NLRC5: variants seen among roughly 807,000 people sequenced by gnomAD.
NLRC5 encodes NLR family CARD domain containing 5.
In NLRC5, 114 loss-of-function variants were observed where a neutral mutation model predicts 206.9. The observed-to-expected ratio is 0.55, with a 90% CI of 0.47 to 0.64. The LOEUF is 0.64. Among genes scored for constraint, NLRC5 ranks in the 30% least tolerant of loss-of-function variants. NLRC5 has a pLI of 0.00. For synonymous variants in NLRC5, 952 were observed against 962.8 expected (o/e 0.99, Z 0.21); for missense variants, 2,008 against 2,305.5 (o/e 0.87, Z 2.64).
chr16:57,036,257 C>A, intron 14 of NLRC5, 74 bp downstream of exon 14: 1 of 1,373,496 alleles, frequency 7.3e-7, no homozygotes, highest in Non-Finnish European at 1.0e-6. Context: ...TGTTCGTAAT[C>A]AGCAGTAAGG....
At chr16:57,011,453 G>C (rs1487000796) in intron 1 of NLRC5, among the ~76,000 whole-genome samples, 4 of 151,996 alleles carry the variant, frequency 2.6e-5, no homozygotes, top group African/African-American at 9.7e-5. Context: ...CAGGTGCAGA[G>C]GCTCACGCCT....
rs539155806 is a variant in NLRC5 at position 57,081,442 on chromosome 16, G to A, written c.5406-85G>A. The stretch of plus-strand genomic sequence containing the variant: ...TGGGAGACTGTGTCCCCTGACCTTG[G>A]CCTGAGGAAGGGACCTAGGAAACTC... On this transcript the variant is annotated intron_variant, in intron 47 of 48. Transcript: ENST00000688547. The A allele has an allele frequency of 1.7e-5, 22 of 1,310,054 alleles. No individual in the cohort carries two copies. The African/African-American group carries it at 3.0e-4, about 18-fold the overall frequency. The allele number at this position is 1,310,054 out of a possible 1,614,324, so 81.2% of individuals were successfully genotyped here. A position where few individuals can be genotyped will look rare whatever the true frequency, so the allele number is the denominator to read the frequency against.
chr16:57,065,536 T>C (rs1567631244), intron 33 of NLRC5, among the ~76,000 whole-genome samples: 2 of 152,200 alleles, frequency 1.3e-5, no homozygotes, highest in African/African-American at 4.8e-5. Flanking sequence ...CAAAGGGCTA[T>C]TGGATCCAGG....
chr16:56,995,045 G>A (rs536933474), intron 1 of NLRC5, among the ~76,000 whole-genome samples: 1 of 152,104 alleles, frequency 6.6e-6, no homozygotes, highest in African/African-American at 2.4e-5. Flanking sequence ...GTGGTGGCAC[G>A]TGACTGTAAT....
At chr16:57,076,477 G>C (rs918534455) in intron 39 of NLRC5, among the ~76,000 whole-genome samples, 1 of 152,228 alleles carries the variant, frequency 6.6e-6, no homozygotes, top group Non-Finnish European at 1.5e-5. Context: ...GGGCCAGCCC[G>C]GAGATCCCTG....
chr16:57,067,728 CT>C lies in NLRC5; in HGVS notation c.4407-4del. 6.2e-7 allele frequency: 1 copy of C among 1,613,148 alleles called. No individual in the cohort carries two copies. Among genetic ancestry groups the C allele is most frequent in the Non-Finnish European group, 8.5e-7 (1 of 1,179,066 alleles). On this transcript the variant is annotated splice_region_variant and splice_polypyrimidine_tract_variant and intron_variant, in intron 35 of 48. Coordinates refer to ENST00000688547, the MANE Select transcript of NLRC5 (RefSeq NM_001384950.1). ...GAAATCCTCTAGAATATCCTTGGACCTTTTCAGCTTGTCTCAGGTTAACCTC... is the reference window on the plus strand; with the variant it reads ...GAAATCCTCTAGAATATCCTTGGACCTTTCAGCTTGTCTCAGGTTAACCTC...
At chr16:57,013,914 G>C in intron 1 of NLRC5, 1 of 511,718 alleles carries the variant, frequency 2.0e-6, no homozygotes, top group South Asian at 1.9e-5. Flanking sequence ...AAATGCGGCT[G>C]GTTTTCAATT....
intron 1 of NLRC5, among the ~76,000 whole-genome samples, chr16:57,007,326 A>G (rs1241272904): frequency 6.6e-6 from 1 of 152,230 alleles, no homozygotes; most frequent in East Asian, 1.9e-4. Flanking sequence ...CAACTCAGTA[A>G]TATCCTTGCG....
In NLRC5 at chr16:57,061,715, C is replaced by A. The variant is rs932502416; in HGVS notation, c.4154+14C>A. 1 of 1,595,100 alleles carries A rather than the reference C, an allele frequency of 6.3e-7. No homozygotes were observed. The highest frequency in any genetic ancestry group is 8.5e-7 in the Non-Finnish European group (1 of 1,173,434). On this transcript the variant is annotated intron_variant, in intron 32 of 48. Coordinates refer to ENST00000688547, the MANE Select transcript of NLRC5 (RefSeq NM_001384950.1). ...GTTCAGCCTCAGGTACCTCCTCCCCCGCTGCCTCCGGGAGGGGCCATGGCA... is the reference window on the plus strand; with the variant it reads ...GTTCAGCCTCAGGTACCTCCTCCCCAGCTGCCTCCGGGAGGGGCCATGGCA...
At chr16:57,019,370 C>T (rs919024962) in intron 2 of NLRC5, among the ~76,000 whole-genome samples, 1 of 151,996 alleles carries the variant, frequency 6.6e-6, no homozygotes, top group Admixed American at 6.6e-5. Context: ...GCACTCCAGC[C>T]TGGGTGACAG....
intron 27 of NLRC5, among the ~76,000 whole-genome samples, chr16:57,056,821 G>A (rs994371667): frequency 1.3e-5 from 2 of 151,904 alleles, no homozygotes; most frequent in African/African-American, 4.8e-5. Context: ...ACCATGCCTG[G>A]CTAATTTTGG....
intron 2 of NLRC5, among the ~76,000 whole-genome samples, chr16:57,018,037 C>T (rs2060266305): frequency 6.6e-6 from 1 of 152,170 alleles, no homozygotes; most frequent in Admixed American, 6.5e-5. Context: ...GGATAGAACA[C>T]TAATGATGGA....
rs550615820 is a variant in NLRC5 at position 57,015,208 on chromosome 16, C to T, written c.-127-1866C>T. 5.8e-4 allele frequency among the ~76,000 whole-genome samples: 88 copies of T among 152,202 alleles called. 1 individual carries two copies. Among genetic ancestry groups the T allele is most frequent in the African/African-American group, 2.1e-3 (87 of 41,544 alleles). The stretch of plus-strand genomic sequence containing the variant: ...CCTCCCAAAGTGCTGGGATTACAGG[C>T]GTGAACCACCGCACCCGGCCTCCAG... On this transcript the variant is annotated intron_variant, in intron 1 of 48. Coordinates refer to ENST00000688547, the MANE Select transcript of NLRC5 (RefSeq NM_001384950.1).
chr16:57,046,682 G>A (rs757120492), intron 22 of NLRC5, 41 bp downstream of exon 22: 97 of 1,544,874 alleles, frequency 6.3e-5, no homozygotes, highest in Non-Finnish European at 8.4e-5. Context: ...AACCATAATA[G>A]GGATGAGGCG....
chr16:56,998,789 C>T (rs977598524), intron 1 of NLRC5, among the ~76,000 whole-genome samples: 1 of 152,154 alleles, frequency 6.6e-6, no homozygotes, highest in Non-Finnish European at 1.5e-5. Context: ...AAGATACAGC[C>T]ACGTCAACAA....
chr16:56,997,123 C>T (rs779007750), intron 1 of NLRC5, among the ~76,000 whole-genome samples: 3 of 152,108 alleles, frequency 2.0e-5, no homozygotes, highest in South Asian at 4.1e-4. Flanking sequence ...CTGCCTGTCT[C>T]GGCCTCCCAA....
Position 57,020,879 on chromosome 16 carries a change from T to G in NLRC5, c.167T>G (p.Leu56Arg), listed in dbSNP as rs1475745836. ...TTGGACCCTGAACAGAGAGTCATCC[T>G]GCAACTCAACAAGCTGCATGTCCAG... ...ETLDPEQRVI[L>R]QLNKLHVQGS... Residue 56 changes from leucine to arginine, a missense_variant, in exon 3 of 49, where the codon CTG becomes CGG. By Grantham distance (102) the Leu-to-Arg change is moderately radical. Coordinates refer to ENST00000688547, the MANE Select transcript of NLRC5 (RefSeq NM_001384950.1). The G allele has an allele frequency of 6.2e-7, 1 of 1,613,924 alleles. No homozygotes were observed. The highest frequency in any genetic ancestry group is 1.7e-5 in the Admixed American group (1 of 59,986).
Position 57,033,625 on chromosome 16 carries a change from T to C in NLRC5, c.2499T>C (p.Ser833=). The C allele has an allele frequency of 6.2e-7, 1 of 1,614,114 alleles. No homozygotes were observed. Among genetic ancestry groups the C allele is most frequent in the South Asian group, 1.1e-5 (1 of 91,080 alleles). ...ELQRAPDLQE[S]DGQRKGAQSR... ...CCAGAGCTCCAGACCTGCAGGAAAG[T>C]GACGGCCAGAGGAAAGGGGCTCAGA... Residue 833 remains serine (S), a synonymous_variant, in exon 12 of 49, where the codon AGT becomes AGC. Transcript: ENST00000688547.
chr16:57,041,244 G>T, intron 17 of NLRC5: 1 of 520,678 alleles, frequency 1.9e-6, no homozygotes, highest in South Asian at 2.4e-5. Flanking sequence ...TCTCTCTGAG[G>T]TCTCTGTGCC....
Sources: allele counts gnomAD v4.1 joint callset (sites outside exome capture counted in the v4.1 genomes callset), GRCh38; gene constraint gnomAD v4.1.1; transcripts MANE v1.5; gene names NCBI Gene and HGNC (gene_info 2026-07-23, HGNC 2026-07-21).